The following ERBB4 variants were observed in gnomAD, a reference collection of about 807,000 sequenced individuals.
The protein encoded by ERBB4 is erb-b2 receptor tyrosine kinase 4.
Under a neutral mutation model 158.0 loss-of-function variants are expected in ERBB4, and 42 were observed. The ratio of observed to expected loss-of-function variants is 0.27; its 90% CI spans 0.21 to 0.34. The LOEUF (loss-of-function observed/expected upper bound fraction) is 0.34. ERBB4 is among the 10% of genes least tolerant of loss of function. The probability of loss-of-function intolerance (pLI) is 1.00; values close to 1 mark genes in which losing one functional copy is unlikely to be tolerated. For synonymous variants in ERBB4, 583 were observed against 558.7 expected, an observed-to-expected ratio of 1.04 and a Z score of -0.61; for missense variants, 1,333 against 1,624.1, an observed-to-expected ratio of 0.82 and a Z score of 3.08.
At chr2:211,574,607 C>A (rs1026510923) in intron 19 of ERBB4, among the ~76,000 whole-genome samples, 1 of 152,130 alleles carries the variant, frequency 6.6e-6, no homozygotes, top group Admixed American at 6.5e-5. Flanking sequence ...TCTTAGCAAG[C>A]TCCAACATGG....
chr2:212,429,534 C>T (rs531703417), intron 1 of ERBB4, among the ~76,000 whole-genome samples: 1 of 152,258 alleles, frequency 6.6e-6, no homozygotes. Flanking sequence ...ATGACAGTTA[C>T]CAAAATTTAC....
At chr2:212,163,294 T>C (rs1312558648) in intron 1 of ERBB4, among the ~76,000 whole-genome samples, 1 of 151,958 alleles carries the variant, frequency 6.6e-6, no homozygotes, top group African/African-American at 2.4e-5. Context: ...TTTTCCAAGG[T>C]TTTCTTTTCA....
At chr2:212,283,905 T>G (rs1230041616) in intron 1 of ERBB4, among the ~76,000 whole-genome samples, 2 of 152,200 alleles carry the variant, frequency 1.3e-5, no homozygotes, top group African/African-American at 4.8e-5. Context: ...ATTGTTATTG[T>G]TTATTGACAC....
intron 19 of ERBB4, among the ~76,000 whole-genome samples, chr2:211,618,209 G>A (rs527435406): frequency 1.5e-4 from 23 of 152,082 alleles, no homozygotes; most frequent in Admixed American, 3.3e-4. Flanking sequence ...ACTTGCTATA[G>A]AAACTAATCT....
At chr2:211,901,224 A>G (rs949019203) in intron 3 of ERBB4, among the ~76,000 whole-genome samples, 5 of 152,136 alleles carry the variant, frequency 3.3e-5, no homozygotes, top group African/African-American at 4.8e-5. Flanking sequence ...TGTAACCTTG[A>G]ATAAGTCACT....
At chr2:211,819,904 A>G (rs2076957633) in intron 3 of ERBB4, among the ~76,000 whole-genome samples, 1 of 151,944 alleles carries the variant, frequency 6.6e-6, no homozygotes, top group Non-Finnish European at 1.5e-5. Context: ...TGGGTGATAA[A>G]GGACATTGTA....
At chr2:211,865,928 G>A (rs988681508) in intron 3 of ERBB4, among the ~76,000 whole-genome samples, 2 of 152,066 alleles carry the variant, frequency 1.3e-5, no homozygotes, top group Non-Finnish European at 2.9e-5. Context: ...ACACCCCTTT[G>A]AAGCCCTAAA....
At chr2:212,254,114 GTTGA>G (rs2084638782) in intron 1 of ERBB4, among the ~76,000 whole-genome samples, 1 of 151,958 alleles carries the variant, frequency 6.6e-6, no homozygotes, top group Non-Finnish European at 1.5e-5. Context: ...AAAAAAATTA[GTTGA>G]TTATCAATAT....
chr2:211,513,122 C>G (rs944946652), intron 20 of ERBB4, among the ~76,000 whole-genome samples: 3 of 151,570 alleles, frequency 2.0e-5, no homozygotes, highest in African/African-American at 7.3e-5. Flanking sequence ...TTTGTTCCCT[C>G]AAGCCCTGTT....
chr2:211,908,765 G>A (rs2079464046), intron 3 of ERBB4, among the ~76,000 whole-genome samples: 1 of 151,696 alleles, frequency 6.6e-6, no homozygotes, highest in African/African-American at 2.4e-5. Context: ...AAAATGCAGA[G>A]GCAATTGTAG....
intron 2 of ERBB4, among the ~76,000 whole-genome samples, chr2:212,046,160 A>T (rs2077256515): frequency 6.6e-6 from 1 of 152,246 alleles, no homozygotes; most frequent in South Asian, 2.1e-4. Context: ...GCTGTTGAAC[A>T]GAAATATGCG....
intron 3 of ERBB4, among the ~76,000 whole-genome samples, chr2:211,887,253 TAC>T (rs112197898): frequency 0.061 from 8,863 of 144,710 alleles, 767 homozygotes; most frequent in African/African-American, 0.2. Flanking sequence ...AACAGAGGAT[TAC>T]ACACACACAC....
At chr2:211,534,355 A>C (rs1386094616) in intron 20 of ERBB4, among the ~76,000 whole-genome samples, 2 of 152,036 alleles carry the variant, frequency 1.3e-5, no homozygotes, top group Non-Finnish European at 2.9e-5. Context: ...AACCTATTTT[A>C]TCTCTCTTAT....
intron 20 of ERBB4, among the ~76,000 whole-genome samples, chr2:211,518,956 T>C (rs754677883): frequency 6.6e-6 from 1 of 152,136 alleles, no homozygotes. Context: ...TAGTCTTCAC[T>C]CAGCCCTCTC....
chr2:212,314,734 C>T (rs1428233257), intron 1 of ERBB4, among the ~76,000 whole-genome samples: 1 of 151,078 alleles, frequency 6.6e-6, no homozygotes, highest in African/African-American at 2.4e-5. Flanking sequence ...AAGTATTAGT[C>T]AACTGCTTAA....
At chr2:212,503,261 T>C (rs1690999523) in intron 1 of ERBB4, among the ~76,000 whole-genome samples, 1 of 152,236 alleles carries the variant, frequency 6.6e-6, no homozygotes, top group African/African-American at 2.4e-5. Context: ...TACTACAAGT[T>C]ATATCATTTT....
intron 1 of ERBB4, among the ~76,000 whole-genome samples, chr2:212,511,605 A>G (rs1304429075): frequency 1.3e-5 from 2 of 152,128 alleles, no homozygotes; most frequent in African/African-American, 4.8e-5. Context: ...ACGAATAGAT[A>G]CTTATTTTTT....
At chr2:212,331,530 T>C (rs1192593827) in intron 1 of ERBB4, among the ~76,000 whole-genome samples, 4 of 151,902 alleles carry the variant, frequency 2.6e-5, no homozygotes, top group Admixed American at 1.3e-4. Context: ...CCCAGGGAGA[T>C]AGAAAAAAGC....
At chr2:211,846,259 C>T (rs2077586188) in intron 3 of ERBB4, among the ~76,000 whole-genome samples, 1 of 151,974 alleles carries the variant, frequency 6.6e-6, no homozygotes, top group Non-Finnish European at 1.5e-5. Context: ...CTCACTAATC[C>T]TTTAATCTCC....
Sources: gnomAD v4.1 joint callset for allele counts (sites outside exome capture counted in the v4.1 genomes callset) on GRCh38, gnomAD v4.1.1 for gene constraint, MANE v1.5 for transcripts, NCBI Gene and HGNC (gene_info 2026-07-23, HGNC 2026-07-21) for gene names.